Variants in DGKK observed in about 807,000 individuals in gnomAD.
The protein encoded by DGKK is 142 kDa diacylglycerol kinase.
DGKK carries 35 observed loss-of-function variants against 92.2 expected under a neutral mutation model. The observed-to-expected ratio is 0.38, with a 90% CI of 0.29 to 0.50. The LOEUF is 0.50. Among genes scored for constraint, DGKK ranks in the 20% least tolerant of loss-of-function variants. The pLI is 0.92. For missense variants in DGKK, 910 were observed against 992.2 expected (o/e 0.92, Z 1.11); for synonymous variants, 368 against 360.6 (o/e 1.02, Z -0.23).
intron 8 of DGKK, among the ~76,000 whole-genome samples, chrX:50,396,530 G>A (rs782809747): frequency 8.9e-6 from 1 of 112,165 alleles, no homozygotes; most frequent in Non-Finnish European, 1.9e-5. Flanking sequence ...AGCCATGAGG[G>A]TGTAAACTAG....
At chrX:50,440,023 CT>C (rs1302073598) in intron 1 of DGKK, among the ~76,000 whole-genome samples, 2 of 111,548 alleles carry the variant, frequency 1.8e-5, no homozygotes, top group African/African-American at 6.5e-5. Context: ...GTGTTTGTAT[CT>C]CTTTAAATTT....
At chrX:50,395,933 A>G (rs1824581888) in intron 8 of DGKK, among the ~76,000 whole-genome samples, 1 of 111,780 alleles carries the variant, frequency 8.9e-6, no homozygotes, top group African/African-American at 3.2e-5. Context: ...TGAAAATTAC[A>G]GAGGCATATG....
At chrX:50,411,354 A>T (rs186142649) in intron 4 of DGKK, among the ~76,000 whole-genome samples, 22 of 112,552 alleles carry the variant, frequency 2.0e-4, no homozygotes, top group African/African-American at 5.2e-4. Flanking sequence ...ACATAAAAAG[A>T]ATCATTTACC....
At chrX:50,401,160 C>T in intron 7 of DGKK, 21 bp from the exon 8 acceptor site, 1 of 1,150,307 alleles carries the variant, frequency 8.7e-7, no homozygotes, top group Admixed American at 2.5e-5. Flanking sequence ...AAGAGAAGAG[C>T]AGAGAAAAAA....
intron 1 of DGKK, among the ~76,000 whole-genome samples, chrX:50,442,956 C>A (rs1159632472): frequency 1.1e-4 from 12 of 111,444 alleles, no homozygotes; most frequent in Non-Finnish European, 9.4e-5. Flanking sequence ...GCTACATGGG[C>A]TTCTCCAACA....
intron 9 of DGKK, 97 bp from the exon 10 acceptor site, chrX:50,392,546 A>G (rs1392542386): frequency 1.8e-5 from 12 of 649,004 alleles, no homozygotes; most frequent in Non-Finnish European, 3.0e-5. Flanking sequence ...CTGCTTTGGC[A>G]CTCTGCTAAC....
intron 8 of DGKK, among the ~76,000 whole-genome samples, chrX:50,395,797 C>CAAAA (rs35132890): frequency 1.2e-5 from 1 of 81,331 alleles, no homozygotes; most frequent in African/African-American, 4.4e-5. Flanking sequence ...AGAACATTGG[C>CAAAA]AAAAAAAAAA....
At chrX:50,396,760 G>A (rs1225154751) in intron 8 of DGKK, among the ~76,000 whole-genome samples, 3 of 111,851 alleles carry the variant, frequency 2.7e-5, no homozygotes, top group South Asian at 7.6e-4. Flanking sequence ...TGTGAACCAG[G>A]TGACAAAGAT....
chrX:50,469,544 C>T (rs1926997864), intron 1 of DGKK, among the ~76,000 whole-genome samples: 2 of 112,233 alleles, frequency 1.8e-5, no homozygotes, highest in Admixed American at 9.3e-5. Context: ...CTGAGGCGCC[C>T]CCTCCCCAGT....
intron 18 of DGKK, among the ~76,000 whole-genome samples, chrX:50,380,679 G>C (rs1924392875): frequency 9.0e-6 from 1 of 111,161 alleles, no homozygotes; most frequent in African/African-American, 3.3e-5. Context: ...GGTGGAGGTG[G>C]GGAGGACAGC....
intron 1 of DGKK, among the ~76,000 whole-genome samples, chrX:50,430,643 G>A (rs1227738355): frequency 2.7e-5 from 3 of 111,499 alleles, no homozygotes; most frequent in African/African-American, 9.8e-5. Flanking sequence ...AACCATGGCA[G>A]CCCTTGCAGA....
chrX:50,390,842 A>T (rs1049346913), intron 11 of DGKK, among the ~76,000 whole-genome samples: 3 of 112,052 alleles, frequency 2.7e-5, no homozygotes, highest in African/African-American at 9.7e-5. Flanking sequence ...CAGCATAGAA[A>T]GTCTTTTTTT....
At chrX:50,416,949 A>G (rs1557228605) in intron 4 of DGKK, among the ~76,000 whole-genome samples, 1 of 110,343 alleles carries the variant, frequency 9.1e-6, no homozygotes, top group Non-Finnish European at 1.9e-5. Flanking sequence ...CTGAGAACTT[A>G]GATTAAAAAT....
intron 8 of DGKK, among the ~76,000 whole-genome samples, chrX:50,394,240 G>A (rs781898244): frequency 6.3e-4 from 71 of 111,948 alleles, no homozygotes; most frequent in Non-Finnish European, 1.7e-4. Flanking sequence ...CTCAGTGGGG[G>A]TGGGAGGAGG....
In DGKK at chrX:50,388,604, T is replaced by C. The variant is rs1924610497; in HGVS notation, c.1941A>G (p.Gln647=). 1 of 1,204,119 alleles carries C rather than the reference T, an allele frequency of 8.3e-7. No individual in the cohort carries two copies. Among genetic ancestry groups the C allele is most frequent in the East Asian group, 3.0e-5 (1 of 33,650 alleles). The change falls in exon 13 of 28, where the codon CAA becomes CAG. Residue 647 remains glutamine, a synonymous_variant. Coordinates refer to ENST00000611977, the MANE Select transcript of DGKK (RefSeq NM_001013742.4). ...DVPRFEAAAI[Q]HLESAATELN... is the part of the protein sequence containing the mutation. Reference sequence around the variant, plus strand: ...ACTCGGTGGCTGCAGATTCTAAGTGTTGGATGGCAGCAGCCTAGGGGCAAA... The same window carrying C: ...ACTCGGTGGCTGCAGATTCTAAGTGCTGGATGGCAGCAGCCTAGGGGCAAA...
intron 1 of DGKK, among the ~76,000 whole-genome samples, chrX:50,468,982 AAGGAAGAGT>A (rs1280664147): frequency 9.1e-6 from 1 of 110,461 alleles, no homozygotes; most frequent in Admixed American, 9.6e-5. Flanking sequence ...GTTTAGGGTA[AAGGAAGAGT>A]AGGGAGAGTG....
chrX:50,433,389 G>A (rs1925937962), intron 1 of DGKK, among the ~76,000 whole-genome samples: 2 of 111,996 alleles, frequency 1.8e-5, no homozygotes, highest in African/African-American at 6.5e-5. Context: ...TTTCAGTTGT[G>A]TTGGGACTCC....
At chrX:50,391,138 G>C (rs1924681781) in intron 11 of DGKK, among the ~76,000 whole-genome samples, 1 of 110,772 alleles carries the variant, frequency 9.0e-6, no homozygotes, top group South Asian at 3.9e-4. Context: ...GTTTTTTTGA[G>C]ACAGGGTCTC....
In DGKK at chrX:50,420,453, C is replaced by T. The variant is rs1557229013; in HGVS notation, c.892G>A (p.Glu298Lys). Residue 298 changes from glutamate (E) to lysine (K), a missense_variant, in exon 4 of 28, where the codon GAA (glutamate) becomes AAA (lysine). Coordinates refer to ENST00000611977, the MANE Select transcript of DGKK (RefSeq NM_001013742.4). ...TLAAPNRKDMEEWINIIKTIQ... is the reference protein window; with the variant it reads ...TLAAPNRKDMKEWINIIKTIQ... ...GTTTTTATGATGTTAATCCATTCTT[C>T]CATGTCTTTCCGGTTGGGTGCAGCC... is the stretch of plus-strand genomic sequence containing the variant. 8.3e-7 allele frequency: 1 copy of T among 1,210,612 alleles called. No individual in the cohort carries two copies. The highest frequency in any genetic ancestry group is 1.1e-6 in the Non-Finnish European group (1 of 894,766).
Sources: allele counts gnomAD v4.1 joint callset (sites outside exome capture counted in the v4.1 genomes callset), GRCh38; gene constraint gnomAD v4.1.1; transcripts MANE v1.5; gene names NCBI Gene and HGNC (gene_info 2026-07-23, HGNC 2026-07-21).